Variants in TBC1D2 observed in about 807,000 individuals in gnomAD.
The protein encoded by TBC1D2 is TBC1 domain family member 2.
A neutral mutation model predicts 91.1 loss-of-function variants in TBC1D2; 58 were observed. The observed-to-expected ratio is 0.64, with a 90% confidence interval of 0.52 to 0.79. TBC1D2 has a LOEUF of 0.79. Among genes scored for constraint, TBC1D2 ranks in the 30% least tolerant of loss-of-function variants. TBC1D2 has a pLI of 0.00. For missense variants in TBC1D2, 1,080 were observed against 1,208.3 expected (o/e 0.89, Z 1.57); for synonymous variants, 482 against 511.5 (o/e 0.94, Z 0.78).
At chr9:98,253,793 CA>C in intron 1 of TBC1D2, among the ~76,000 whole-genome samples, 1 of 152,298 alleles carries the variant, frequency 6.6e-6, no homozygotes, top group East Asian at 1.9e-4. Flanking sequence ...AGACTTATCA[CA>C]TGTCTCTACA....
At chr9:98,236,033 C>G (rs1247984389) in intron 3 of TBC1D2, among the ~76,000 whole-genome samples, 2 of 150,004 alleles carry the variant, frequency 1.3e-5, no homozygotes, top group Non-Finnish European at 3.0e-5. Flanking sequence ...GAGACTCCAT[C>G]TCAAAAGAGG....
intron 4 of TBC1D2, among the ~76,000 whole-genome samples, chr9:98,230,823 G>C (rs897492944): frequency 6.6e-6 from 1 of 152,194 alleles, no homozygotes; most frequent in African/African-American, 2.4e-5. Flanking sequence ...AGAGGTTGTA[G>C]TGAGCCGAGA....
intron 3 of TBC1D2, among the ~76,000 whole-genome samples, chr9:98,236,663 C>T (rs1182250873): frequency 2.0e-5 from 3 of 152,178 alleles, no homozygotes; most frequent in Non-Finnish European, 4.4e-5. Context: ...AACCTTTAAG[C>T]CTGGCTCATG....
chr9:98,205,983 A>G (rs1426529867), intron 9 of TBC1D2, among the ~76,000 whole-genome samples: 2 of 152,028 alleles, frequency 1.3e-5, no homozygotes, highest in African/African-American at 4.8e-5. Context: ...CAGGCTTTCT[A>G]TTATAAGTAA....
chr9:98,222,986 A>C (rs1829135953), intron 5 of TBC1D2, among the ~76,000 whole-genome samples: 1 of 152,196 alleles, frequency 6.6e-6, no homozygotes, highest in African/African-American at 2.4e-5. Context: ...TCCAACCTTT[A>C]CCAAGCACCA....
At chr9:98,254,018 C>T (rs531591224) in intron 1 of TBC1D2, among the ~76,000 whole-genome samples, 10 of 152,298 alleles carry the variant, frequency 6.6e-5, no homozygotes, top group South Asian at 2.1e-4. Flanking sequence ...CACATGACCT[C>T]GAAAATGCCT....
Position 98,229,005 on chromosome 9 carries a change from C to A in TBC1D2, c.925G>T (p.Ala309Ser). Reference protein sequence around the residue: ...TRNRTAQEKVAALEQQVLMLT... With the variant: ...TRNRTAQEKVSALEQQVLMLT... ...ATCAGAACCTGTTGCTCCAAGGCTG[C>A]CACTTTCTCCTGGGCAGTTCGGTTC... The change falls in exon 5 of 13, where the codon GCA becomes TCA. Residue 309 changes from alanine (A) to serine (S), a missense_variant. Ala to Ser is a moderately conservative substitution (Grantham distance 99). Transcript: ENST00000465784. 1 of 1,614,188 alleles carries A rather than the reference C, an allele frequency of 6.2e-7. No individual in the cohort carries two copies. The highest frequency in any genetic ancestry group is 8.5e-7 in the Non-Finnish European group (1 of 1,180,024).
chr9:98,223,933 C>G (rs1829159343), intron 5 of TBC1D2, among the ~76,000 whole-genome samples: 1 of 152,184 alleles, frequency 6.6e-6, no homozygotes, highest in African/African-American at 2.4e-5. Context: ...GGCGTGGTGG[C>G]TCACGCCTGT....
chr9:98,247,621 T>C (rs1829792430), intron 2 of TBC1D2, among the ~76,000 whole-genome samples: 1 of 148,900 alleles, frequency 6.7e-6, no homozygotes, highest in Admixed American at 6.9e-5. Context: ...CCCAGCTACT[T>C]GGGAGGCTGA....
chr9:98,212,977 C>T lies in TBC1D2; in HGVS notation c.1485+131G>A, dbSNP rs1347958372. ...TCTGGAGAAGAACCTGATATGGGCC[C>T]TGCTCACAAGGGGTCAGTTCAGAGG... On this transcript the variant is annotated intron_variant, in intron 7 of 12. Transcript: ENST00000465784. 3 of 970,022 alleles carry T rather than the reference C, an allele frequency of 3.1e-6. No homozygotes were observed. The East Asian group carries it at 7.8e-5, about 25-fold the overall frequency. 60.1% of individuals were successfully genotyped at this position (970,022 alleles called of 1,614,324 possible).
chr9:98,240,384 C>A (rs1357971438), intron 3 of TBC1D2, among the ~76,000 whole-genome samples: 1 of 152,168 alleles, frequency 6.6e-6, no homozygotes, highest in African/African-American at 2.4e-5. Flanking sequence ...CCCCTGGCTC[C>A]TTGGCCTAGT....
chr9:98,205,829 G>A (rs1828637318), intron 9 of TBC1D2, among the ~76,000 whole-genome samples: 2 of 152,004 alleles, frequency 1.3e-5, no homozygotes, highest in African/African-American at 4.8e-5. Flanking sequence ...CTCAAAATGC[G>A]GGAATTACAG....
intron 7 of TBC1D2, among the ~76,000 whole-genome samples, 192 bp downstream of exon 7, chr9:98,212,916 T>C (rs1475952006): frequency 2.0e-5 from 3 of 152,176 alleles, no homozygotes; most frequent in Non-Finnish European, 2.9e-5. Flanking sequence ...CAGTGAACGC[T>C]GCGGAACAAA....
rs1270336843 is a variant in TBC1D2 at position 98,220,900 on chromosome 9, G to A, written c.1307C>T (p.Ser436Phe). 2 of 1,614,184 alleles carry A rather than the reference G, an allele frequency of 1.2e-6. No individual in the cohort carries two copies. The highest frequency in any genetic ancestry group is 1.7e-6 in the Non-Finnish European group (2 of 1,180,020). ...GTTGGCAGCGTCGGGGCGCAAAGGA[G>A]ACTGGTCAGGGGGGTGCGTGAAGTC... ...TQDFTHPPDQ[S>F]PLRPDAANRD... The change falls in exon 6 of 13, where the codon TCT becomes TTT. Residue 436 changes from serine to phenylalanine, a missense_variant. Physicochemically the swap from Ser to Phe is radical, Grantham distance 155. Transcript: ENST00000465784.
In TBC1D2 at chr9:98,255,399, A is replaced by T. The variant is rs1829954515; in HGVS notation, c.143T>A (p.Leu48His). The T allele has an allele frequency of 6.2e-7, 1 of 1,613,602 alleles. No homozygotes were observed. The highest frequency in any genetic ancestry group is 1.3e-5 in the African/African-American group (1 of 74,862). Residue 48 changes from leucine to histidine, a missense_variant, in exon 1 of 13, where the codon CTC becomes CAC. Coordinates refer to ENST00000465784, the MANE Select transcript of TBC1D2 (RefSeq NM_001267571.2). Reference protein sequence around the residue: ...ARSLEAVPKKLCGYLSKFGGK... With the variant: ...ARSLEAVPKKHCGYLSKFGGK... The stretch of plus-strand genomic sequence containing the variant: ...GCCGAACTTACTTAAATACCCACAG[A>T]GTTTCTTGGGGACCGCCTCCAGGGA...
rs538193049 is a variant in TBC1D2 at position 98,228,251 on chromosome 9, G to A, written c.978+701C>T. ...TCACTCTAAAGAGGGGCTCCCGCCC[G>A]GAGCTGCAGCCCTCTCACATCTTTG... On this transcript the variant is annotated intron_variant, in intron 5 of 12. Transcript: ENST00000465784. This position sits in a 1 kb window ranked among gnomAD's most constrained non-coding sequence, Gnocchi z 4.0. Among the ~76,000 whole-genome samples, 6 of 152,320 alleles carry A rather than the reference G, an allele frequency of 3.9e-5. No individual in the cohort carries two copies. The South Asian group carries it at 6.2e-4, about 16-fold the overall frequency.
intron 2 of TBC1D2, among the ~76,000 whole-genome samples, chr9:98,248,470 A>G (rs1829810059): frequency 6.6e-6 from 1 of 152,230 alleles, no homozygotes; most frequent in Non-Finnish European, 1.5e-5. Context: ...GGCGCTGCCT[A>G]GACAAAAAAA....
At chr9:98,231,433 G>C (rs1311198122) in intron 4 of TBC1D2, among the ~76,000 whole-genome samples, 1 of 151,984 alleles carries the variant, frequency 6.6e-6, no homozygotes, top group Non-Finnish European at 1.5e-5. Context: ...TTAAAAATCT[G>C]ATTACAACCA....
intron 2 of TBC1D2, among the ~76,000 whole-genome samples, chr9:98,244,659 CAAAA>C (rs59871511): frequency 2.1e-5 from 1 of 46,888 alleles, no homozygotes; most frequent in Non-Finnish European, 4.0e-5. Flanking sequence ...AACTCCGTCT[CAAAA>C]AAAAAAAAAA....
Sources: allele counts gnomAD v4.1 joint callset (sites outside exome capture counted in the v4.1 genomes callset), GRCh38; gene constraint gnomAD v4.1.1; non-coding constraint Gnocchi (gnomAD v3.1); transcripts MANE v1.5; gene names NCBI Gene and HGNC (gene_info 2026-07-23, HGNC 2026-07-21).